Variants in PLEKHA5 observed in about 807,000 individuals in gnomAD.
The protein encoded by PLEKHA5 is pleckstrin homology domain-containing family A member 5.
A neutral mutation model predicts 181.9 loss-of-function variants in PLEKHA5; 55 were observed. The ratio of observed to expected loss-of-function variants is 0.30; its 90% confidence interval spans 0.24 to 0.38. PLEKHA5 has a LOEUF of 0.38. PLEKHA5 is among the 10% of genes least tolerant of loss of function. The probability of loss-of-function intolerance (pLI) is 1.00; values close to 1 mark genes in which losing one functional copy is unlikely to be tolerated. For synonymous variants in PLEKHA5, 535 were observed against 529.4 expected, an observed-to-expected ratio of 1.01 and a Z score of -0.15; for missense variants, 1,432 against 1,549.5, an observed-to-expected ratio of 0.92 and a Z score of 1.27.
chr12:19,135,523 C>T (rs2035356166), intron 3 of PLEKHA5, among the ~76,000 whole-genome samples: 1 of 152,100 alleles, frequency 6.6e-6, no homozygotes, highest in African/African-American at 2.4e-5. Context: ...CTTTTCTATC[C>T]TTCTTAACTA....
chr12:19,244,461 C>T (rs1212994424), intron 3 of PLEKHA5, among the ~76,000 whole-genome samples: 2 of 152,218 alleles, frequency 1.3e-5, no homozygotes, highest in Non-Finnish European at 2.9e-5. Flanking sequence ...TCCAGTCTAA[C>T]ATTATTGTGG....
intron 15 of PLEKHA5, among the ~76,000 whole-genome samples, chr12:19,302,292 A>G (rs185561548): frequency 1.2e-3 from 188 of 152,348 alleles, no homozygotes; most frequent in South Asian, 3.3e-3. Flanking sequence ...ATCCACCCAC[A>G]CTGTTCAAGA....
chr12:19,149,645 C>G (rs2039895768), intron 3 of PLEKHA5: 1 of 152,106 alleles, frequency 6.6e-6, no homozygotes, highest in Non-Finnish European at 1.5e-5. Flanking sequence ...GGGGCCTGCT[C>G]TTATCTGAGA....
At chr12:19,203,714 C>T (rs1416410874) in intron 3 of PLEKHA5, among the ~76,000 whole-genome samples, 1 of 152,076 alleles carries the variant, frequency 6.6e-6, no homozygotes, top group Non-Finnish European at 1.5e-5. Flanking sequence ...GTACTCTTGC[C>T]TAGTCTTTCC....
At position 19,251,739 on chromosome 12, in the gene PLEKHA5, CAAAAAAA is replaced by C. The variant is rs374276545; in HGVS notation, c.228-2183_228-2177del. On this transcript the variant is annotated intron_variant, in intron 3 of 31. Transcript: ENST00000429027. ...CTTGATCTGAATTTTGAGGCCCATCCAAAAAAAAAAAAAAAAAAAAAAAACTTGTGAA... is the reference window on the plus strand; with the variant it reads ...CTTGATCTGAATTTTGAGGCCCATCCAAAAAAAAAAAAAAAAACTTGTGAA... Among the ~76,000 whole-genome samples the C allele has an allele frequency of 1.8e-3, 121 of 65,616 alleles. 1 individual carries two copies. Among genetic ancestry groups the C allele is most frequent in the African/African-American group, 5.4e-3 (90 of 16,784 alleles). The allele number at this position is 65,616 out of a possible 152,430, so 43.0% of individuals were successfully genotyped here. A position where few individuals can be genotyped will look rare whatever the true frequency, so the allele number is the denominator to read the frequency against.
chr12:19,139,660 A>T (rs1185622697), intron 3 of PLEKHA5, among the ~76,000 whole-genome samples: 1 of 152,224 alleles, frequency 6.6e-6, no homozygotes, highest in East Asian at 1.9e-4. Flanking sequence ...TGTAAGATAG[A>T]CTGTGATAAA....
At chr12:19,207,035 A>C (rs904361111) in intron 3 of PLEKHA5, among the ~76,000 whole-genome samples, 4 of 152,256 alleles carry the variant, frequency 2.6e-5, no homozygotes, top group Admixed American at 2.0e-4. Context: ...GCTTTTCCGA[A>C]TTCTATTAAA....
chr12:19,352,384 CAAAAAAAA>C (rs200203166), intron 25 of PLEKHA5, among the ~76,000 whole-genome samples: 1 of 124,326 alleles, frequency 8.0e-6, no homozygotes, highest in African/African-American at 2.9e-5. Context: ...GACTCCATCT[CAAAAAAAA>C]AAAAGAAAAA....
intron 15 of PLEKHA5, among the ~76,000 whole-genome samples, chr12:19,302,956 C>G (rs1193090074): frequency 1.9e-5 from 2 of 103,878 alleles, no homozygotes; most frequent in Non-Finnish European, 3.4e-5. Context: ...GAGTCCTGCT[C>G]TGTTGCCCGG....
At chr12:19,218,497 G>C (rs901680662) in intron 3 of PLEKHA5, among the ~76,000 whole-genome samples, 1 of 152,118 alleles carries the variant, frequency 6.6e-6, no homozygotes, top group Non-Finnish European at 1.5e-5. Flanking sequence ...TCTCATTTAT[G>C]AAAGAAACCT....
intron 5 of PLEKHA5, among the ~76,000 whole-genome samples, chr12:19,256,964 A>G (rs987029064): frequency 3.3e-5 from 5 of 152,140 alleles, no homozygotes; most frequent in Admixed American, 6.5e-5. Flanking sequence ...TTGATGTGAT[A>G]TATTTGTTTA....
At chr12:19,208,307 C>G (rs35532112) in intron 3 of PLEKHA5, among the ~76,000 whole-genome samples, 14,127 of 151,926 alleles carry the variant, frequency 0.093, 808 homozygotes, top group Admixed American at 0.19. Context: ...ACTCAGGAGG[C>G]TGAGGAGGAG....
At chr12:19,327,767 C>T (rs2092381640) in intron 20 of PLEKHA5, among the ~76,000 whole-genome samples, 1 of 151,846 alleles carries the variant, frequency 6.6e-6, no homozygotes, top group Non-Finnish European at 1.5e-5. Flanking sequence ...GCCTCAGCCT[C>T]CCAAGTAGCT....
chr12:19,274,547 A>G lies in PLEKHA5; in HGVS notation c.877A>G (p.Thr293Ala), dbSNP rs1201259126. Residue 293 changes from threonine to alanine, a missense_variant, in exon 11 of 32, where the codon ACT becomes GCT. This residue lies in a region of PLEKHA5 where 289 missense variants were observed against 381.1 expected (regional missense o/e 0.76). Transcript: ENST00000429027. Reference sequence around the variant, plus strand: ...CAAGATTACATCTGAAAATGCACCAACTAAAGAAACCAATAACATTCCCAA... The same window carrying G: ...CAAGATTACATCTGAAAATGCACCAGCTAAAGAAACCAATAACATTCCCAA... ...VDKITSENAPTKETNNIPNHR... is the reference protein window; with the variant it reads ...VDKITSENAPAKETNNIPNHR... 14 of 1,609,436 alleles carry G rather than the reference A, an allele frequency of 8.7e-6. No homozygotes were observed. The Admixed American group carries it at 1.7e-4, about 19-fold the overall frequency.
At chr12:19,356,070 C>G (rs1015435236) in intron 26 of PLEKHA5, among the ~76,000 whole-genome samples, 3 of 151,298 alleles carry the variant, frequency 2.0e-5, no homozygotes, top group Non-Finnish European at 4.4e-5. Context: ...GAGGCTGAGG[C>G]ATAAGAATTA....
At chr12:19,286,686 G>A (rs1375461133) in intron 12 of PLEKHA5, among the ~76,000 whole-genome samples, 1 of 152,058 alleles carries the variant, frequency 6.6e-6, no homozygotes, top group Non-Finnish European at 1.5e-5. Flanking sequence ...CTCTGTTCAG[G>A]CCGGGCAAGT....
chr12:19,176,183 T>G (rs1422281646), intron 3 of PLEKHA5: 3 of 151,692 alleles, frequency 2.0e-5, no homozygotes, highest in Non-Finnish European at 4.4e-5. Flanking sequence ...ACTCTCTCTC[T>G]CTCTCTCTGT....
intron 15 of PLEKHA5, among the ~76,000 whole-genome samples, chr12:19,293,821 T>A (rs2079080322): frequency 6.6e-6 from 1 of 152,180 alleles, no homozygotes; most frequent in Admixed American, 6.5e-5. Context: ...TTGTGTTTTA[T>A]CCCTTTACCT....
intron 20 of PLEKHA5, among the ~76,000 whole-genome samples, chr12:19,323,560 T>C (rs2091417233): frequency 6.6e-6 from 1 of 151,828 alleles, no homozygotes; most frequent in African/African-American, 2.4e-5. Flanking sequence ...GCTGACACCG[T>C]AATCCCAGGA....
Sources: allele counts gnomAD v4.1 joint callset (sites outside exome capture counted in the v4.1 genomes callset), GRCh38; gene constraint gnomAD v4.1.1; regional missense constraint gnomAD v4.1.1; transcripts MANE v1.5; gene names NCBI Gene and HGNC (gene_info 2026-07-23, HGNC 2026-07-21).